The following TBC1D15 variants were observed in gnomAD, a reference collection of about 807,000 sequenced individuals.
The protein encoded by TBC1D15 is TBC1 domain family member 15.
A neutral mutation model predicts 95.4 loss-of-function variants in TBC1D15; 39 were observed. The observed-to-expected ratio is 0.41, with a 90% confidence interval of 0.32 to 0.53. The LOEUF is 0.53. Among genes scored for constraint, TBC1D15 ranks in the 20% least tolerant of loss-of-function variants. The probability of loss-of-function intolerance (pLI) is 0.29; values close to 1 mark genes in which losing one functional copy is unlikely to be tolerated. For synonymous variants in TBC1D15, 258 were observed against 261.3 expected, an observed-to-expected ratio of 0.99 and a Z score of 0.12; for missense variants, 733 against 794.3, an observed-to-expected ratio of 0.92 and a Z score of 0.93.
At chr12:71,894,308 A>AT (rs761526168) in intron 6 of TBC1D15, 11 of 1,604,888 alleles carry the variant, frequency 6.9e-6, no homozygotes, top group East Asian at 2.2e-5. Context: ...TTCAAGAAAT[A>AT]TTTTTTTTGT....
intron 5 of TBC1D15, among the ~76,000 whole-genome samples, chr12:71,892,567 A>G (rs2138662955): frequency 6.6e-6 from 1 of 152,092 alleles, no homozygotes; most frequent in East Asian, 1.9e-4. Flanking sequence ...ATTACTAAGA[A>G]ATGTGAAGAG....
chr12:71,872,781 T>G (rs1162278310), intron 2 of TBC1D15, 148 bp from the exon 3 acceptor site: 15 of 523,508 alleles, frequency 2.9e-5, no homozygotes, highest in African/African-American at 7.7e-5. Flanking sequence ...GAAAAATCTA[T>G]GTAACATTTT....
Position 71,842,035 on chromosome 12 carries a change from G to A in TBC1D15, c.30+2224G>A, listed in dbSNP as rs550892618. Among the ~76,000 whole-genome samples the A allele has an allele frequency of 5.9e-5, 9 of 152,044 alleles. No individual in the cohort carries two copies. The East Asian group carries it at 1.7e-3, about 29-fold the overall frequency. On this transcript the variant is annotated intron_variant, in intron 1 of 16. Transcript: ENST00000485960. ...AAGAGTTCTAGTTTAGAAATCCAGG[G>A]GAGTGAATGTTAACCAAGGCTCACA...
At chr12:71,847,540 C>G (rs1011344893) in intron 1 of TBC1D15, among the ~76,000 whole-genome samples, 2 of 151,536 alleles carry the variant, frequency 1.3e-5, no homozygotes, top group Non-Finnish European at 2.9e-5. Flanking sequence ...ACTAAAAATA[C>G]AAAAATTAGC....
At chr12:71,889,284 GTTC>G (rs1368381616) in intron 5 of TBC1D15, among the ~76,000 whole-genome samples, 6 of 152,170 alleles carry the variant, frequency 3.9e-5, no homozygotes, top group African/African-American at 1.4e-4. Context: ...TTCAAAAGCT[GTTC>G]TTCTAATATC....
intron 1 of TBC1D15, among the ~76,000 whole-genome samples, chr12:71,851,934 G>A (rs976548908): frequency 1.9e-4 from 29 of 152,196 alleles, no homozygotes; most frequent in African/African-American, 6.5e-4. Context: ...TCTTCTCACA[G>A]CTCCACTAGG....
At chr12:71,871,529 A>G (rs987655355) in intron 1 of TBC1D15, among the ~76,000 whole-genome samples, 21 of 152,262 alleles carry the variant, frequency 1.4e-4, no homozygotes, top group African/African-American at 5.1e-4. Flanking sequence ...TTTCAAGTGC[A>G]TTTTCAATTC....
At chr12:71,856,041 C>T (rs1045144163) in intron 1 of TBC1D15, among the ~76,000 whole-genome samples, 1 of 151,992 alleles carries the variant, frequency 6.6e-6, no homozygotes, top group African/African-American at 2.4e-5. Context: ...AATTATGGTT[C>T]ACCCTGCCCC....
intron 1 of TBC1D15, among the ~76,000 whole-genome samples, chr12:71,866,914 G>A (rs1891624962): frequency 6.6e-6 from 1 of 152,176 alleles, no homozygotes; most frequent in South Asian, 2.1e-4. Context: ...AAAATAGTTG[G>A]TATTTGAGAG....
chr12:71,845,955 TTAC>T (rs1362875034), intron 1 of TBC1D15, among the ~76,000 whole-genome samples: 1 of 151,852 alleles, frequency 6.6e-6, no homozygotes. Context: ...GTATAAAAAA[TTAC>T]TACTGTATTG....
chr12:71,869,151 A>G (rs1018232349), intron 1 of TBC1D15, among the ~76,000 whole-genome samples: 7 of 152,166 alleles, frequency 4.6e-5, no homozygotes, highest in African/African-American at 1.4e-4. Flanking sequence ...GGATAGCATT[A>G]TGCTATGTGA....
At chr12:71,902,745 C>T (rs939329300) in intron 10 of TBC1D15, among the ~76,000 whole-genome samples, 1 of 152,136 alleles carries the variant, frequency 6.6e-6, no homozygotes. Flanking sequence ...AATTAAAGAG[C>T]TTGTGTACAG....
At chr12:71,853,826 G>A (rs114182904) in intron 1 of TBC1D15, among the ~76,000 whole-genome samples, 2 of 152,336 alleles carry the variant, frequency 1.3e-5, no homozygotes, top group African/African-American at 4.8e-5. Flanking sequence ...GATGAGGCAA[G>A]GGAGTGCTTT....
intron 3 of TBC1D15, among the ~76,000 whole-genome samples, chr12:71,879,320 A>G (rs1894658631): frequency 6.6e-6 from 1 of 152,058 alleles, no homozygotes; most frequent in Non-Finnish European, 1.5e-5. Flanking sequence ...TTTTTTGTAG[A>G]GACGGAGTTT....
At chr12:71,856,432 C>CT (rs1889091710) in intron 1 of TBC1D15, among the ~76,000 whole-genome samples, 2 of 152,040 alleles carry the variant, frequency 1.3e-5, no homozygotes. Context: ...AATTTGGCTT[C>CT]TTATGGGAGG....
rs1870341327 is a variant in TBC1D15, at chr12:71,923,993, C to A, written c.*789C>A. Reference sequence around the variant, plus strand: ...ATTTATTTCATGAGATTATGTTCAACCCTGTACCTGGTGTAATTTTAAAAT... The same window carrying A: ...ATTTATTTCATGAGATTATGTTCAAACCTGTACCTGGTGTAATTTTAAAAT... On this transcript the variant is annotated 3_prime_UTR_variant, in exon 17 of 17. Transcript: ENST00000485960. 1 of 152,508 alleles carries A rather than the reference C, an allele frequency of 6.6e-6. No individual in the cohort carries two copies. The highest frequency in any genetic ancestry group is 1.5e-5 in the Non-Finnish European group (1 of 67,998). 9.4% of individuals were successfully genotyped at this position (152,508 alleles called of 1,614,324 possible).
At chr12:71,854,825 G>C in intron 1 of TBC1D15, 1 of 456,436 alleles carries the variant, frequency 2.2e-6, no homozygotes. Context: ...TCAAATCTTT[G>C]ATCTGTTCTT....
rs1565994049 is a variant in TBC1D15 at position 71,877,563 on chromosome 12, T to TTC, written c.205-2906_205-2905insTC. Among the ~76,000 whole-genome samples, 19 of 110,608 alleles carry TTC rather than the reference T, an allele frequency of 1.7e-4. 1 individual carries two copies. Among genetic ancestry groups the TTC allele is most frequent in the East Asian group, 1.6e-3 (7 of 4,376 alleles). The allele number at this position is 110,608 out of a possible 152,430, so 72.6% of individuals were successfully genotyped here. A position where few individuals can be genotyped will look rare whatever the true frequency, so the allele number is the denominator to read the frequency against. The stretch of plus-strand genomic sequence containing the variant: ...TCCTTCCTTCCTTCCTTCCTTCCTT[T>TTC]CTTCTTTTTCTTTCTTTCGTATTTA... On this transcript the variant is annotated intron_variant, in intron 3 of 16. Transcript: ENST00000485960.
At chr12:71,882,353 T>G (rs1457069310) in intron 4 of TBC1D15, among the ~76,000 whole-genome samples, 1 of 152,170 alleles carries the variant, frequency 6.6e-6, no homozygotes, top group Non-Finnish European at 1.5e-5. Flanking sequence ...GTTCTAGAGA[T>G]CCATCCAAAT....
Sources: allele counts gnomAD v4.1 joint callset (sites outside exome capture counted in the v4.1 genomes callset), GRCh38; gene constraint gnomAD v4.1.1; transcripts MANE v1.5; gene names NCBI Gene and HGNC (gene_info 2026-07-23, HGNC 2026-07-21).